Variants in TMPRSS12 observed in about 807,000 individuals in gnomAD.
TMPRSS12 encodes transmembrane protease serine 12.
In TMPRSS12, 25 loss-of-function variants were observed where a neutral mutation model predicts 26.0. The ratio of observed to expected loss-of-function variants is 0.96; its 90% CI spans 0.70 to 1.34. The LOEUF (loss-of-function observed/expected upper bound fraction) is 1.34, where lower values mean the gene tolerates loss of function less well. Among genes scored for constraint, TMPRSS12 ranks in the 40% most tolerant of loss-of-function variants. The pLI is 0.00. For missense variants in TMPRSS12, 441 were observed against 440.1 expected (o/e 1.00, Z -0.02); for synonymous variants, 150 against 161.7 (o/e 0.93, Z 0.55).
chr12:50,883,153 A>T (rs1938191836), intron 3 of TMPRSS12, among the ~76,000 whole-genome samples: 1 of 152,130 alleles, frequency 6.6e-6, no homozygotes, highest in South Asian at 2.1e-4. Flanking sequence ...ACATACTGAG[A>T]CACTGTTGCT....
Position 50,843,117 on chromosome 12 carries a change from C to G in TMPRSS12, c.153C>G (p.Leu51=). ...SQQAEAVRKR[L]RRRREGGAHA... is the part of the protein sequence containing the mutation. ...AGGCTGAGGCCGTCCGCAAGAGGCT[C>G]CGGCGGCGGAGGGAGGGAGGGGCGC... is the stretch of plus-strand genomic sequence containing the variant. The change falls in exon 1 of 5, where the codon CTC becomes CTG. Residue 51 remains leucine (L), a synonymous_variant. Transcript: ENST00000398458. The G allele has an allele frequency of 6.3e-7, 1 of 1,576,066 alleles. No homozygotes were observed. Among genetic ancestry groups the G allele is most frequent in the Non-Finnish European group, 8.6e-7 (1 of 1,160,718 alleles).
chr12:50,862,143 A>G (rs754114815), intron 3 of TMPRSS12, among the ~76,000 whole-genome samples: 8 of 152,144 alleles, frequency 5.3e-5, no homozygotes, highest in Non-Finnish European at 1.0e-4. Context: ...ATACAGTTTC[A>G]TGATCTTTAA....
intron 2 of TMPRSS12, among the ~76,000 whole-genome samples, chr12:50,846,873 C>T (rs765168004): frequency 6.6e-6 from 1 of 152,008 alleles, no homozygotes; most frequent in Non-Finnish European, 1.5e-5. Context: ...CAACTGCATC[C>T]GGCCTGCAGT....
chr12:50,870,488 C>T (rs1253273651), intron 3 of TMPRSS12, among the ~76,000 whole-genome samples: 1 of 152,074 alleles, frequency 6.6e-6, no homozygotes, highest in Non-Finnish European at 1.5e-5. Context: ...AACCCACAGC[C>T]AACATAATAC....
chr12:50,872,141 C>T (rs375802196), intron 3 of TMPRSS12, among the ~76,000 whole-genome samples: 5 of 152,142 alleles, frequency 3.3e-5, no homozygotes, highest in East Asian at 3.9e-4. Context: ...AACTTGCACA[C>T]GCGTGTTTAT....
intron 3 of TMPRSS12, among the ~76,000 whole-genome samples, chr12:50,875,489 C>CAAAAAAAAAAAAAAAA (rs56816598): frequency 1.4e-5 from 1 of 69,478 alleles, no homozygotes; most frequent in African/African-American, 6.0e-5. Flanking sequence ...GACTCCATCT[C>CAAAAAAAAAAAAAAAA]AAAAAAAAAA....
In TMPRSS12 at chr12:50,843,027, C is replaced by T. The variant is rs746634813; in HGVS notation, c.63C>T (p.Asp21=). The change falls in exon 1 of 5, where the codon GAC becomes GAT. Residue 21 remains aspartate (D), a synonymous_variant. Transcript: ENST00000398458. ...LFVGSSHLYS[D]HYSPSGRHRL... ...TGGGGAGCTCTCACTTATACTCAGACCACTACTCGCCCTCTGGAAGGCACA... is the reference window on the plus strand; with the variant it reads ...TGGGGAGCTCTCACTTATACTCAGATCACTACTCGCCCTCTGGAAGGCACA... The T allele has an allele frequency of 6.2e-7, 1 of 1,606,378 alleles. No individual in the cohort carries two copies. Among genetic ancestry groups the T allele is most frequent in the Non-Finnish European group, 8.5e-7 (1 of 1,176,676 alleles).
chr12:50,887,284 T>C lies in TMPRSS12; in HGVS notation c.818T>C (p.Met273Thr). 1.2e-6 allele frequency: 2 copies of C among 1,613,840 alleles called. No individual in the cohort carries two copies. Among genetic ancestry groups the C allele is most frequent in the African/African-American group, 1.3e-5 (1 of 75,046 alleles). The change falls in exon 5 of 5, where the codon ATG (methionine) becomes ACG (threonine). Residue 273 changes from methionine (M) to threonine (T), a missense_variant. By Grantham distance (81) the Met-to-Thr change is moderately conservative. Transcript: ENST00000398458. Reference sequence around the variant, plus strand: ...CAGGGTGACAGTGGGGGACCATTAATGTGCTACTTACCAGAATATAAAAGA... The same window carrying C: ...CAGGGTGACAGTGGGGGACCATTAACGTGCTACTTACCAGAATATAAAAGA... ...TCRGDSGGPLMCYLPEYKRFF... is the reference protein window; with the variant it reads ...TCRGDSGGPLTCYLPEYKRFF...
At chr12:50,856,640 T>TA (rs56787738) in intron 2 of TMPRSS12, among the ~76,000 whole-genome samples, 143,330 of 149,322 alleles carry the variant, frequency 0.96, 69,025 homozygotes, top group East Asian at 1. Context: ...TGTTTTATAT[T>TA]AAAAAAAAAA....
chr12:50,882,624 C>T (rs536546624), intron 3 of TMPRSS12, among the ~76,000 whole-genome samples: 1 of 25,856 alleles, frequency 3.9e-5, no homozygotes, highest in African/African-American at 1.3e-4. Context: ...AATTTTAGTA[C>T]TTAGACAAAA....
chr12:50,853,680 A>G (rs563429578), intron 2 of TMPRSS12, among the ~76,000 whole-genome samples: 1 of 152,158 alleles, frequency 6.6e-6, no homozygotes, highest in African/African-American at 2.4e-5. Flanking sequence ...AGAAATATAA[A>G]ATACCTTCAG....
intron 3 of TMPRSS12, among the ~76,000 whole-genome samples, chr12:50,872,701 G>GTA (rs1491481807): frequency 1.5e-5 from 1 of 67,160 alleles, no homozygotes. Flanking sequence ...TATATATGAC[G>GTA]TATATGTGTA....
chr12:50,878,339 G>T (rs939529161), intron 3 of TMPRSS12, among the ~76,000 whole-genome samples: 2 of 152,088 alleles, frequency 1.3e-5, no homozygotes, highest in Admixed American at 1.3e-4. Context: ...CCAGCATTTT[G>T]GGAGACCAAG....
intron 3 of TMPRSS12, among the ~76,000 whole-genome samples, chr12:50,860,037 A>G (rs1214846630): frequency 6.6e-6 from 1 of 152,204 alleles, no homozygotes. Flanking sequence ...TCTTTTCCAA[A>G]GCAGAAATAG....
At chr12:50,855,177 C>A (rs767815098) in intron 2 of TMPRSS12, among the ~76,000 whole-genome samples, 1 of 152,024 alleles carries the variant, frequency 6.6e-6, no homozygotes, top group East Asian at 1.9e-4. Context: ...GACATCATGA[C>A]AAAGACTCCA....
In TMPRSS12 at chr12:50,844,048, A is replaced by G; in HGVS notation, c.383+11A>G. On this transcript the variant is annotated intron_variant, in intron 2 of 4. Transcript: ENST00000398458. ...CACTAAAGACGCTAGGTACGTATTC[A>G]GAACACAACTATTTTTATGCTCTTA... 1 of 1,517,836 alleles carries G rather than the reference A, an allele frequency of 6.6e-7. No homozygotes were observed. The highest frequency in any genetic ancestry group is 8.8e-7 in the Non-Finnish European group (1 of 1,134,766). 94.0% of individuals were successfully genotyped at this position (1,517,836 alleles called of 1,614,324 possible).
intron 1 of TMPRSS12, 69 bp from the exon 2 acceptor site, chr12:50,843,773 A>G (rs1259647840): frequency 7.0e-7 from 1 of 1,437,214 alleles, no homozygotes; most frequent in African/African-American, 1.4e-5. Flanking sequence ...TTGCATTAAT[A>G]TGTTCAGCTT....
chr12:50,853,240 G>A (rs185097437), intron 2 of TMPRSS12, among the ~76,000 whole-genome samples: 4 of 152,218 alleles, frequency 2.6e-5, no homozygotes, highest in African/African-American at 9.6e-5. Flanking sequence ...GGTAAATGCT[G>A]AAATTAAGGT....
At chr12:50,861,184 A>C (rs1027217616) in intron 3 of TMPRSS12, among the ~76,000 whole-genome samples, 18 of 152,198 alleles carry the variant, frequency 1.2e-4, no homozygotes, top group African/African-American at 3.9e-4. Flanking sequence ...CCAAGTCCCA[A>C]GTCTTTTATT....
Sources: allele counts gnomAD v4.1 joint callset (sites outside exome capture counted in the v4.1 genomes callset), GRCh38; gene constraint gnomAD v4.1.1; transcripts MANE v1.5; gene names NCBI Gene and HGNC (gene_info 2026-07-23, HGNC 2026-07-21).